NTM: variants seen among roughly 807,000 people sequenced by gnomAD.
NTM encodes the protein IgLON family member 2.
Under a neutral mutation model 42.1 loss-of-function variants are expected in NTM, and 13 were observed. That is an observed-to-expected ratio of 0.31 (90% CI 0.20 to 0.49). NTM has a LOEUF of 0.49. NTM is among the 20% of genes least tolerant of loss of function. The pLI is 0.99. For synonymous variants in NTM, 187 were observed against 179.2 expected, an observed-to-expected ratio of 1.04 and a Z score of -0.35; for missense variants, 373 against 452.8, an observed-to-expected ratio of 0.82 and a Z score of 1.60.
chr11:131,659,796 C>T (rs1157864385), intron 1 of NTM, among the ~76,000 whole-genome samples: 1 of 152,156 alleles, frequency 6.6e-6, no homozygotes, highest in East Asian at 1.9e-4. Flanking sequence ...TCGGGGGACA[C>T]GTGGCTGCTT....
chr11:131,674,410 G>A (rs190864891), intron 1 of NTM, among the ~76,000 whole-genome samples: 2 of 152,342 alleles, frequency 1.3e-5, no homozygotes, highest in African/African-American at 2.4e-5. Context: ...GCGGCTGGAC[G>A]TCCTTAGTGT....
intron 1 of NTM, chr11:131,660,642 C>T (rs557092266): frequency 4.4e-6 from 2 of 453,330 alleles, no homozygotes; most frequent in Non-Finnish European, 8.9e-6. Flanking sequence ...ACCCCTCCCC[C>T]CTTATTCCTT....
chr11:132,254,627 G>A (rs1310918178), intron 4 of NTM, among the ~76,000 whole-genome samples: 1 of 151,840 alleles, frequency 6.6e-6, no homozygotes, highest in East Asian at 1.9e-4. Context: ...TCTCCAATGT[G>A]ATCCCTTCTC....
At chr11:131,601,237 G>T (rs1391864012) in intron 1 of NTM, among the ~76,000 whole-genome samples, 1 of 152,184 alleles carries the variant, frequency 6.6e-6, no homozygotes, top group Non-Finnish European at 1.5e-5. Context: ...AGTGGTGGCA[G>T]CGAGGTCACC....
chr11:131,550,892 T>C (rs1412780494), intron 1 of NTM, among the ~76,000 whole-genome samples: 1 of 152,204 alleles, frequency 6.6e-6, no homozygotes, highest in Non-Finnish European at 1.5e-5. Context: ...GCCTCTTTTC[T>C]ACACGAAGTT....
At chr11:131,997,477 C>T (rs1027214083) in intron 2 of NTM, among the ~76,000 whole-genome samples, 4 of 152,138 alleles carry the variant, frequency 2.6e-5, no homozygotes, top group African/African-American at 7.2e-5. Flanking sequence ...AAAGGACCCT[C>T]GATGGGCCTC....
At chr11:131,562,619 C>T (rs2056382392) in intron 1 of NTM, among the ~76,000 whole-genome samples, 4 of 152,286 alleles carry the variant, frequency 2.6e-5, no homozygotes, top group South Asian at 2.1e-4. Context: ...TCTTTGAAGG[C>T]GCTCTTCCCC....
At chr11:131,470,383 C>G (rs1565535522) in intron 1 of NTM, among the ~76,000 whole-genome samples, 2 of 152,198 alleles carry the variant, frequency 1.3e-5, no homozygotes, top group Non-Finnish European at 2.9e-5. Flanking sequence ...AAATAAAAGA[C>G]TGGGCAAAGC....
At chr11:131,691,521 T>C (rs2074713509) in intron 1 of NTM, among the ~76,000 whole-genome samples, 1 of 149,998 alleles carries the variant, frequency 6.7e-6, no homozygotes. Flanking sequence ...CAAGGCGATG[T>C]CGTCGCCTGG....
intron 1 of NTM, among the ~76,000 whole-genome samples, chr11:131,901,343 G>A (rs986180537): frequency 2.6e-5 from 4 of 152,082 alleles, no homozygotes; most frequent in South Asian, 2.1e-4. Flanking sequence ...CAACTTACAT[G>A]CATACTTTAT....
intron 1 of NTM, chr11:131,661,143 T>C: frequency 1.2e-6 from 1 of 820,340 alleles, no homozygotes; most frequent in Admixed American, 2.8e-5. Flanking sequence ...GGACGGAAGG[T>C]CCAGGTGGTG....
At chr11:131,714,778 T>C (rs1458773024) in intron 1 of NTM, among the ~76,000 whole-genome samples, 1 of 152,130 alleles carries the variant, frequency 6.6e-6, no homozygotes, top group Non-Finnish European at 1.5e-5. Context: ...CTTTACCGAG[T>C]GTCATCCATG....
intron 1 of NTM, among the ~76,000 whole-genome samples, chr11:131,499,290 A>C (rs1005207745): frequency 3.9e-5 from 6 of 152,164 alleles, no homozygotes; most frequent in Admixed American, 3.3e-4. Context: ...TAGCCTAGGT[A>C]CTCATTGGCT....
intron 2 of NTM, among the ~76,000 whole-genome samples, chr11:131,973,037 GA>G (rs2063783908): frequency 6.6e-6 from 1 of 152,166 alleles, no homozygotes; most frequent in Non-Finnish European, 1.5e-5. Flanking sequence ...CTTAAGTAAA[GA>G]AAAGATTCGT....
At chr11:131,477,385 C>T (rs926246165) in intron 1 of NTM, among the ~76,000 whole-genome samples, 1 of 151,928 alleles carries the variant, frequency 6.6e-6, no homozygotes, top group Non-Finnish European at 1.5e-5. Flanking sequence ...TTCTCTTCTA[C>T]CCCACTTCTG....
At chr11:131,416,079 A>G (rs1461045228) in intron 1 of NTM, among the ~76,000 whole-genome samples, 1 of 152,128 alleles carries the variant, frequency 6.6e-6, no homozygotes, top group African/African-American at 2.4e-5. Flanking sequence ...ACATAATTAC[A>G]CTCAAAAATA....
chr11:132,269,283 G>A (rs182072309), intron 4 of NTM, among the ~76,000 whole-genome samples: 33 of 152,310 alleles, frequency 2.2e-4, no homozygotes, highest in Admixed American at 1.6e-3. Flanking sequence ...GGCAATACTA[G>A]TGATTTTGTT....
intron 1 of NTM, among the ~76,000 whole-genome samples, chr11:131,664,072 G>A (rs1046427779): frequency 4.6e-5 from 7 of 152,342 alleles, no homozygotes; most frequent in African/African-American, 1.7e-4. Context: ...GCTGTGCAGA[G>A]CAACCAAATT....
chr11:131,444,454 C>G (rs1949884189), intron 1 of NTM, among the ~76,000 whole-genome samples: 1 of 151,786 alleles, frequency 6.6e-6, no homozygotes, highest in Non-Finnish European at 1.5e-5. Context: ...GGTGATCTGA[C>G]TAAAAGCAGT....
Sources: allele counts gnomAD v4.1 joint callset (sites outside exome capture counted in the v4.1 genomes callset), GRCh38; gene constraint gnomAD v4.1.1; transcripts MANE v1.5; gene names NCBI Gene and HGNC (gene_info 2026-07-23, HGNC 2026-07-21).